NCKAP5: variants seen among roughly 807,000 people sequenced by gnomAD.
The protein encoded by NCKAP5 is nck-associated protein 5.
In NCKAP5, 92 loss-of-function variants were observed where a neutral mutation model predicts 167.0. That is an observed-to-expected ratio of 0.55 (90% CI 0.47 to 0.66). NCKAP5 has a LOEUF of 0.66. Among genes scored for constraint, NCKAP5 ranks in the 30% least tolerant of loss-of-function variants. The pLI, the probability that NCKAP5 is intolerant of heterozygous loss-of-function variation, is 0.00. For missense variants in NCKAP5, 2,378 were observed against 2,315.0 expected, an observed-to-expected ratio of 1.03 and a Z score of -0.56; for synonymous variants, 891 against 877.4, an observed-to-expected ratio of 1.02 and a Z score of -0.27.
intron 3 of NCKAP5, among the ~76,000 whole-genome samples, chr2:133,471,692 C>T (rs1469075317): frequency 1.3e-5 from 2 of 152,130 alleles, no homozygotes; most frequent in African/African-American, 4.8e-5. Flanking sequence ...CAGGCTTTAT[C>T]ATCATAGGCT....
At chr2:132,820,576 G>A (rs1686656889) in intron 11 of NCKAP5, among the ~76,000 whole-genome samples, 5 of 151,804 alleles carry the variant, frequency 3.3e-5, no homozygotes, top group Admixed American at 3.3e-4. Context: ...TATAGGTAAA[G>A]CTGAACATTG....
At chr2:133,047,638 T>C (rs1323655022) in intron 6 of NCKAP5, among the ~76,000 whole-genome samples, 6 of 152,240 alleles carry the variant, frequency 3.9e-5, no homozygotes, top group Non-Finnish European at 7.3e-5. Flanking sequence ...AATGCAGTTA[T>C]AATTACAAAG....
chr2:133,075,580 G>A (rs550307991), intron 6 of NCKAP5, among the ~76,000 whole-genome samples: 9 of 152,264 alleles, frequency 5.9e-5, no homozygotes, highest in East Asian at 3.9e-4. Context: ...CAAAAGGGTC[G>A]TGCAAAGGAC....
chr2:132,970,242 A>G (rs1305103999), intron 7 of NCKAP5, among the ~76,000 whole-genome samples: 1 of 152,216 alleles, frequency 6.6e-6, no homozygotes, highest in African/African-American at 2.4e-5. Context: ...AAATATCACA[A>G]ATTTTAGGTC....
chr2:132,716,978 TCTC>T (rs1306604544), intron 19 of NCKAP5, among the ~76,000 whole-genome samples: 2 of 152,124 alleles, frequency 1.3e-5, no homozygotes, highest in African/African-American at 2.4e-5. Context: ...TTATGACACT[TCTC>T]CTCACTAAAA....
intron 14 of NCKAP5, 38 bp from the exon 15 acceptor site, chr2:132,781,267 G>A (rs766980545): frequency 6.3e-7 from 1 of 1,578,396 alleles, no homozygotes; most frequent in Non-Finnish European, 8.6e-7. Flanking sequence ...AAGTTACCTT[G>A]CTCCTTCTTC....
chr2:133,654,850 T>G, the NCKAP5 span, among the ~76,000 whole-genome samples: 2 of 152,212 alleles, frequency 1.3e-5, no homozygotes, highest in African/African-American at 4.8e-5. Context: ...CTCGGCTGTT[T>G]TTGGATACTC....
intron 3 of NCKAP5, among the ~76,000 whole-genome samples, chr2:133,350,551 G>T (rs1287106205): frequency 6.6e-6 from 1 of 152,114 alleles, no homozygotes; most frequent in Admixed American, 6.6e-5. Flanking sequence ...TCCACAAATA[G>T]TCTGACCAGC....
Position 133,102,964 on chromosome 2 carries a change from AATG to A in NCKAP5, c.341+27011_341+27013del, listed in dbSNP as rs200495930. Among the ~76,000 whole-genome samples, 661 of 152,240 alleles carry A rather than the reference AATG, an allele frequency of 4.3e-3. 10 individuals are homozygous for A. Among genetic ancestry groups the A allele is most frequent in the African/African-American group, 0.016 (645 of 41,532 alleles). On this transcript the variant is annotated intron_variant, in intron 6 of 19. Transcript: ENST00000409261. ...TGAGCCTCAACCTCCCCATCTGAAAAATGATGAGTTTGAATCCAAGGATATTCC... is the reference window on the plus strand; with the variant it reads ...TGAGCCTCAACCTCCCCATCTGAAAAATGAGTTTGAATCCAAGGATATTCC...
At chr2:133,183,247 C>T (rs2084808579) in intron 5 of NCKAP5, among the ~76,000 whole-genome samples, 1 of 152,030 alleles carries the variant, frequency 6.6e-6, no homozygotes, top group South Asian at 2.1e-4. Flanking sequence ...AGAGGGAATA[C>T]TTCCCAATTC....
At chr2:132,788,678 G>A (rs1574221624) in intron 13 of NCKAP5, among the ~76,000 whole-genome samples, 1 of 152,152 alleles carries the variant, frequency 6.6e-6, no homozygotes, top group Admixed American at 6.5e-5. Context: ...TTCCTCTGTA[G>A]GGCAGGCTAG....
At chr2:132,729,083 C>A (rs373590364) in intron 17 of NCKAP5, 131 bp from the exon 18 acceptor site, 312 of 1,150,500 alleles carry the variant, frequency 2.7e-4, no homozygotes, top group Admixed American at 8.4e-4. Context: ...GGGCTTCCTG[C>A]CACTCTGTCC....
intron 19 of NCKAP5, among the ~76,000 whole-genome samples, chr2:132,716,587 CA>C (rs1407961412): frequency 7.9e-5 from 12 of 151,956 alleles, no homozygotes; most frequent in African/African-American, 2.4e-4. Context: ...AGGGGGGTAA[CA>C]CTGGGGGTTC....
rs190872742 is a variant in NCKAP5, at chr2:133,112,381, G to A, written c.341+17597C>T. On this transcript the variant is annotated intron_variant, in intron 6 of 19. Transcript: ENST00000409261. ...CCTGGCTACTCGGGAGGCTGAGGCGGAAGAATAGCGTGAACCCGGGAGGCG... is the reference window on the plus strand; with the variant it reads ...CCTGGCTACTCGGGAGGCTGAGGCGAAAGAATAGCGTGAACCCGGGAGGCG... Among the ~76,000 whole-genome samples the A allele has an allele frequency of 1.3e-3, 200 of 152,226 alleles. No individual in the cohort carries two copies. The Middle Eastern group carries it at 0.014, about 10-fold the overall frequency.
intron 3 of NCKAP5, among the ~76,000 whole-genome samples, chr2:133,342,266 T>G (rs975919979): frequency 6.6e-6 from 1 of 152,106 alleles, no homozygotes; most frequent in Non-Finnish European, 1.5e-5. Context: ...GAACTAAGAT[T>G]TACTGAGATT....
chr2:132,998,021 T>C (rs1018433023), intron 6 of NCKAP5, among the ~76,000 whole-genome samples: 1 of 152,204 alleles, frequency 6.6e-6, no homozygotes, highest in African/African-American at 2.4e-5. Context: ...AAAGGCCTGG[T>C]ATCCTGGTTT....
At chr2:133,544,118 G>A (rs1450354329) in intron 2 of NCKAP5, among the ~76,000 whole-genome samples, 1 of 152,146 alleles carries the variant, frequency 6.6e-6, no homozygotes, top group Non-Finnish European at 1.5e-5. Flanking sequence ...AATTAAAATT[G>A]CCATGTCTGG....
At chr2:133,346,427 G>A (rs774683458) in intron 3 of NCKAP5, among the ~76,000 whole-genome samples, 1 of 152,208 alleles carries the variant, frequency 6.6e-6, no homozygotes, top group Non-Finnish European at 1.5e-5. Flanking sequence ...ATACGAGTTT[G>A]CTGAGACGTG....
At chr2:132,711,764 T>C (rs1189112183) in intron 19 of NCKAP5, among the ~76,000 whole-genome samples, 1 of 151,994 alleles carries the variant, frequency 6.6e-6, no homozygotes, top group Non-Finnish European at 1.5e-5. Context: ...AAAACTCAAT[T>C]AGGCCAAATA....
Sources: allele counts gnomAD v4.1 joint callset (sites outside exome capture counted in the v4.1 genomes callset), GRCh38; gene constraint gnomAD v4.1.1; transcripts MANE v1.5; gene names NCBI Gene and HGNC (gene_info 2026-07-23, HGNC 2026-07-21).